The following PRKCH variants were observed in gnomAD, a reference collection of about 807,000 sequenced individuals.
PRKCH encodes protein kinase C eta, also known as protein kinase C eta type.
PRKCH carries 28 observed loss-of-function variants against 82.5 expected under a neutral mutation model. The ratio of observed to expected loss-of-function variants is 0.34; its 90% CI spans 0.25 to 0.47. The LOEUF is 0.47. Among genes scored for constraint, PRKCH ranks in the 20% least tolerant of loss-of-function variants. PRKCH has a pLI of 1.00. For missense variants in PRKCH, 705 were observed against 881.8 expected (o/e 0.80, Z 2.54); for synonymous variants, 322 against 327.4 (o/e 0.98, Z 0.18).
chr14:61,529,057 G>A lies in PRKCH; in HGVS notation c.1434-18G>A. 6.3e-7 allele frequency: 1 copy of A among 1,596,920 alleles called. No individual in the cohort carries two copies. The highest frequency in any genetic ancestry group is 8.5e-7 in the Non-Finnish European group (1 of 1,170,448). ...GGGTCTGGCTGCCCTATCTCGTGCT[G>A]CTCTTTGTATCTTTCAGAGATCTGA... On this transcript the variant is annotated intron_variant, in intron 10 of 13. Coordinates refer to ENST00000332981, the MANE Select transcript of PRKCH (RefSeq NM_006255.5).
chr14:61,323,896 A>G (rs1398847109), intron 1 of PRKCH, among the ~76,000 whole-genome samples: 1 of 152,222 alleles, frequency 6.6e-6, no homozygotes, highest in African/African-American at 2.4e-5. Flanking sequence ...ATTAGGAGTT[A>G]GGTCGGGCAA....
At chr14:61,328,570 T>A (rs956872935) in intron 1 of PRKCH, among the ~76,000 whole-genome samples, 1 of 152,154 alleles carries the variant, frequency 6.6e-6, no homozygotes, top group Non-Finnish European at 1.5e-5. Context: ...TTTTGGTATC[T>A]AGTAAGTGTT....
chr14:61,547,332 G>A (rs1269929222), intron 12 of PRKCH, among the ~76,000 whole-genome samples: 1 of 152,108 alleles, frequency 6.6e-6, no homozygotes, highest in Non-Finnish European at 1.5e-5. Context: ...AGCTGGTCAG[G>A]TCACTCAGAA....
intron 1 of PRKCH, among the ~76,000 whole-genome samples, chr14:61,348,474 A>G (rs542922280): frequency 2.6e-4 from 40 of 152,300 alleles, no homozygotes; most frequent in African/African-American, 9.4e-4. Context: ...TTGGGCTGGG[A>G]TGAAATAAGC....
chr14:61,445,695 A>G lies in PRKCH; in HGVS notation c.582A>G (p.Gly194=), dbSNP rs1322071771. 1 of 1,609,380 alleles carries G rather than the reference A, an allele frequency of 6.2e-7. No homozygotes were observed. Among genetic ancestry groups the G allele is most frequent in the Non-Finnish European group, 8.5e-7 (1 of 1,175,856 alleles). Residue 194 remains glycine (G), a synonymous_variant, in exon 4 of 14, where the codon GGA becomes GGG. Coordinates refer to ENST00000332981, the MANE Select transcript of PRKCH (RefSeq NM_006255.5). ...GTAGTTTTCTTCTCTTCAACAGGGG[A>G]GTGTTTGGGAAACAGGGTTATCAGT... ...YCSHCREFIW[G]VFGKQGYQCQ... is the part of the protein sequence containing the mutation.
At chr14:61,321,403 C>A (rs886090098), upstream of PRKCH, among the ~76,000 whole-genome samples, 1 of 152,228 alleles carries the variant, frequency 6.6e-6, no homozygotes, top group African/African-American at 2.4e-5. This position sits in a 1 kb window ranked among gnomAD's most constrained non-coding sequence, Gnocchi z 4.1. Context: ...CGGGGTGGCC[C>A]CTAACCCGCA....
chr14:61,211,117 T>C (rs1020583710), intron 1 of PRKCH, among the ~76,000 whole-genome samples: 2 of 152,174 alleles, frequency 1.3e-5, no homozygotes, highest in Non-Finnish European at 2.9e-5. Context: ...ACTTCCAGGC[T>C]TGATACTGAA....
chr14:61,334,622 C>T (rs10141067), intron 1 of PRKCH, among the ~76,000 whole-genome samples: 51,427 of 151,938 alleles, frequency 0.34, 10,387 homozygotes, highest in African/African-American at 0.56. Context: ...TGGAGGGTGG[C>T]AGAAAGAGAG....
chr14:61,194,456 G>A (rs1283929164), intron 1 of PRKCH, among the ~76,000 whole-genome samples: 5 of 152,170 alleles, frequency 3.3e-5, no homozygotes, highest in Admixed American at 2.6e-4. Context: ...TCCTGCACCC[G>A]TTCTACCATG....
intron 1 of PRKCH, among the ~76,000 whole-genome samples, chr14:61,224,189 C>T (rs910021296): frequency 1.3e-5 from 2 of 152,078 alleles, no homozygotes; most frequent in African/African-American, 4.8e-5. Context: ...TTTATTTTTA[C>T]TTTTCCACCT....
chr14:61,479,376 G>A (rs1039346036), intron 9 of PRKCH, among the ~76,000 whole-genome samples: 1 of 152,204 alleles, frequency 6.6e-6, no homozygotes, highest in Non-Finnish European at 1.5e-5. Context: ...GCTGTGCACA[G>A]ATGCTGAGCG....
Position 61,206,231 on chromosome 14 carries a change from C to G in PRKCH, c.-19+18563C>G, listed in dbSNP as rs192448658. On this transcript the variant is annotated intron_variant, in intron 1 of 3. Transcript: ENST00000555185. Reference sequence around the variant, plus strand: ...CAACTGAATTTATCTTCTCACAGTTCTAGAAGCCAGAAGTCTGAAATCAAG... The same window carrying G: ...CAACTGAATTTATCTTCTCACAGTTGTAGAAGCCAGAAGTCTGAAATCAAG... Among the ~76,000 whole-genome samples the G allele has an allele frequency of 8.4e-3, 1,277 of 152,322 alleles. 12 individuals are homozygous for G. Among genetic ancestry groups the G allele is most frequent in the Middle Eastern group, 0.02 (6 of 294 alleles).
At position 61,356,956 on chromosome 14, in the gene PRKCH, A is replaced by G. The variant is rs370765304; in HGVS notation, c.364-34269A>G. 4.8e-4 allele frequency among the ~76,000 whole-genome samples: 73 copies of G among 152,352 alleles called. 1 individual carries two copies. The East Asian group carries it at 6.2e-3, about 13-fold the overall frequency. ...CTCAGCCTCCCAAAGTGCTGGGATT[A>G]TAGGCATGAGCCACCACACCTGGCC... On this transcript the variant is annotated intron_variant, in intron 1 of 13. Coordinates refer to ENST00000332981, the MANE Select transcript of PRKCH (RefSeq NM_006255.5).
chr14:61,446,173 CAAA>C (rs34051551), intron 4 of PRKCH, among the ~76,000 whole-genome samples: 2 of 79,676 alleles, frequency 2.5e-5, no homozygotes, highest in African/African-American at 4.3e-5. Context: ...GTTATGATTT[CAAA>C]AAAAAAAAAA....
At chr14:61,366,872 C>T (rs1197826700) in intron 1 of PRKCH, among the ~76,000 whole-genome samples, 1 of 151,980 alleles carries the variant, frequency 6.6e-6, no homozygotes, top group Non-Finnish European at 1.5e-5. Flanking sequence ...CTTTGGACCT[C>T]CCCAGCCTTA....
chr14:61,226,677 A>C (rs2044698751), intron 1 of PRKCH, among the ~76,000 whole-genome samples: 1 of 152,208 alleles, frequency 6.6e-6, no homozygotes, highest in Admixed American at 6.5e-5. Context: ...TTGGGAGACA[A>C]TGGTCGTTCT....
At chr14:61,281,008 A>G (rs1354974539) in intron 1 of PRKCH, 1 of 1,539,588 alleles carries the variant, frequency 6.5e-7, no homozygotes. Context: ...GCCCAGGCCG[A>G]TGAAGGCCAG....
At chr14:61,201,679 T>G (rs2044483306) in intron 1 of PRKCH, among the ~76,000 whole-genome samples, 1 of 152,188 alleles carries the variant, frequency 6.6e-6, no homozygotes, top group Non-Finnish European at 1.5e-5. Flanking sequence ...AAAAGCTGTG[T>G]TTTTAAAGTT....
chr14:61,232,711 G>A (rs1018154908), intron 1 of PRKCH, among the ~76,000 whole-genome samples: 2 of 152,116 alleles, frequency 1.3e-5, no homozygotes, highest in Admixed American at 6.5e-5. Flanking sequence ...TTTTCTGAAA[G>A]CTTCATTACA....
Sources: allele counts gnomAD v4.1 joint callset (sites outside exome capture counted in the v4.1 genomes callset), GRCh38; gene constraint gnomAD v4.1.1; non-coding constraint Gnocchi (gnomAD v3.1); transcripts MANE v1.5; gene names NCBI Gene and HGNC (gene_info 2026-07-23, HGNC 2026-07-21).